Variants in PTGER3 observed in about 807,000 individuals in gnomAD.
PTGER3 encodes prostaglandin E2 receptor EP3 subtype.
A neutral mutation model predicts 34.7 loss-of-function variants in PTGER3; 22 were observed. The ratio of observed to expected loss-of-function variants is 0.63; its 90% CI spans 0.45 to 0.91. The LOEUF (loss-of-function observed/expected upper bound fraction) is 0.91, where lower values mean the gene tolerates loss of function less well. Among genes scored for constraint, PTGER3 ranks in the 40% least tolerant of loss-of-function variants. PTGER3 has a pLI of 0.00. For synonymous variants in PTGER3, 241 were observed against 230.1 expected, an observed-to-expected ratio of 1.05 and a Z score of -0.43; for missense variants, 468 against 519.4, an observed-to-expected ratio of 0.90 and a Z score of 0.96.
At chr1:70,975,452 G>C (rs1379745611) in intron 2 of PTGER3, among the ~76,000 whole-genome samples, 3 of 152,092 alleles carry the variant, frequency 2.0e-5, no homozygotes, top group Admixed American at 6.6e-5. Flanking sequence ...CAAGAGAAAG[G>C]AGAAAGAAAT....
intron 1 of PTGER3, among the ~76,000 whole-genome samples, chr1:71,031,959 T>A (rs1035298240): frequency 1.3e-5 from 2 of 152,216 alleles, no homozygotes; most frequent in African/African-American, 4.8e-5. Flanking sequence ...AAAGCTAATA[T>A]TAAGAAATTT....
At chr1:70,874,065 A>C (rs2421805) in intron 4 of PTGER3, among the ~76,000 whole-genome samples, 82,266 of 151,980 alleles carry the variant, frequency 0.54, 23,230 homozygotes, top group Non-Finnish European at 0.63. Flanking sequence ...TTTAGACCTG[A>C]TGTTACAAAT....
chr1:70,888,201 A>G (rs987968793), intron 4 of PTGER3, among the ~76,000 whole-genome samples: 2 of 152,154 alleles, frequency 1.3e-5, no homozygotes, highest in Non-Finnish European at 2.9e-5. Flanking sequence ...GCACCTCACA[A>G]TCGTGAAGGG....
chr1:70,976,006 T>A (rs372151165), intron 2 of PTGER3, among the ~76,000 whole-genome samples: 1 of 152,068 alleles, frequency 6.6e-6, no homozygotes, highest in South Asian at 2.1e-4. Flanking sequence ...CTGCTTTAAC[T>A]AAGGAAATGC....
chr1:70,973,250 G>GAT (rs1426012420), intron 3 of PTGER3, among the ~76,000 whole-genome samples: 89 of 151,442 alleles, frequency 5.9e-4, no homozygotes, highest in African/African-American at 2.0e-3. Context: ...TAGATAGATA[G>GAT]ATAGATAGAT....
chr1:71,012,780 A>G (rs1473828697), intron 1 of PTGER3, among the ~76,000 whole-genome samples: 1 of 152,182 alleles, frequency 6.6e-6, no homozygotes, highest in Non-Finnish European at 1.5e-5. Context: ...AATGAGCCAA[A>G]GTCATGTTTG....
At chr1:70,877,923 G>A (rs1026619633) in intron 4 of PTGER3, among the ~76,000 whole-genome samples, 2 of 152,010 alleles carry the variant, frequency 1.3e-5, no homozygotes, top group African/African-American at 4.8e-5. Flanking sequence ...TTTGTTGTGT[G>A]TCTGCCAGGT....
chr1:71,029,856 G>A (rs991109915), intron 1 of PTGER3, among the ~76,000 whole-genome samples: 2 of 151,800 alleles, frequency 1.3e-5, no homozygotes, highest in African/African-American at 4.8e-5. Context: ...AACCTGGGAG[G>A]TGGAGGTTGC....
chr1:71,035,309 C>A (rs758223472), intron 1 of PTGER3, among the ~76,000 whole-genome samples: 7 of 152,180 alleles, frequency 4.6e-5, no homozygotes, highest in Non-Finnish European at 8.8e-5. Context: ...CTCCCTTTCC[C>A]TTCAGTCTCT....
chr1:70,961,263 G>C (rs1651904626), intron 2 of PTGER3, among the ~76,000 whole-genome samples: 1 of 152,206 alleles, frequency 6.6e-6, no homozygotes, highest in Non-Finnish European at 1.5e-5. Flanking sequence ...GATTAGGTGA[G>C]TTTGGAAAAT....
intron 2 of PTGER3, among the ~76,000 whole-genome samples, chr1:70,976,889 G>A (rs1012027710): frequency 5.3e-5 from 8 of 152,036 alleles, no homozygotes; most frequent in Non-Finnish European, 8.8e-5. Context: ...GGATCTTCCC[G>A]TCTGAAATAA....
At chr1:70,982,892 G>A (rs546929322) in intron 2 of PTGER3, among the ~76,000 whole-genome samples, 70 of 152,160 alleles carry the variant, frequency 4.6e-4, no homozygotes, top group Non-Finnish European at 7.8e-4. Flanking sequence ...TCATTGCACA[G>A]TGTAAACATA....
chr1:70,990,382 CACACAT>C (rs1412295472), intron 2 of PTGER3, among the ~76,000 whole-genome samples: 3 of 107,412 alleles, frequency 2.8e-5, no homozygotes, highest in African/African-American at 9.4e-5. Flanking sequence ...CACACACACA[CACACAT>C]ATATATATAT....
intron 4 of PTGER3, among the ~76,000 whole-genome samples, chr1:70,915,532 G>A (rs1201963811): frequency 6.6e-6 from 1 of 151,936 alleles, no homozygotes; most frequent in African/African-American, 2.4e-5. Flanking sequence ...TAGATAGTTT[G>A]GAGAGCCTGA....
At chr1:70,868,323 T>C (rs931430218) in intron 4 of PTGER3, among the ~76,000 whole-genome samples, 6 of 152,206 alleles carry the variant, frequency 3.9e-5, no homozygotes, top group Admixed American at 2.6e-4. Flanking sequence ...CTGCTACTTA[T>C]AGTTATAAAT....
At chr1:71,011,982 C>T (rs1338009864) in intron 2 of PTGER3, 13 of 1,345,994 alleles carry the variant, frequency 9.7e-6, no homozygotes, top group South Asian at 7.4e-5. Context: ...TATTCAGCTA[C>T]GAATGGCAGA....
At chr1:71,027,561 A>T (rs1277240003) in intron 1 of PTGER3, among the ~76,000 whole-genome samples, 1 of 152,246 alleles carries the variant, frequency 6.6e-6, no homozygotes, top group Non-Finnish European at 1.5e-5. Context: ...CCATTTAACC[A>T]GAACAGGTCT....
intron 4 of PTGER3, chr1:70,862,398 C>G (rs759292181): frequency 1.5e-6 from 2 of 1,362,366 alleles, no homozygotes; most frequent in South Asian, 1.1e-5. Flanking sequence ...CAGGGTTCTC[C>G]TATTATGTGA....
intron 4 of PTGER3, among the ~76,000 whole-genome samples, chr1:70,881,920 C>T (rs1403178328): frequency 2.0e-5 from 3 of 152,176 alleles, no homozygotes; most frequent in Non-Finnish European, 4.4e-5. Flanking sequence ...CAGATGTGGC[C>T]CATCTTGCTA....
Sources: allele counts gnomAD v4.1 joint callset (sites outside exome capture counted in the v4.1 genomes callset), GRCh38; gene constraint gnomAD v4.1.1; transcripts MANE v1.5; gene names NCBI Gene and HGNC (gene_info 2026-07-23, HGNC 2026-07-21).